The following MUC5B variants were observed in gnomAD, a reference collection of about 807,000 sequenced individuals.
MUC5B encodes mucin 5B, oligomeric mucus/gel-forming.
A neutral mutation model predicts 376.9 loss-of-function variants in MUC5B; 116 were observed. That is an observed-to-expected ratio of 0.31 (90% CI 0.26 to 0.36). MUC5B has a LOEUF of 0.36. Ranked by LOEUF, MUC5B falls within the 10% of genes least tolerant of loss-of-function variation. The pLI, the probability that MUC5B is intolerant of heterozygous loss-of-function variation, is 1.00. For missense variants in MUC5B, 7,165 were observed against 7,769.9 expected, an observed-to-expected ratio of 0.92 and a Z score of 2.93; for synonymous variants, 3,517 against 3,390.9, an observed-to-expected ratio of 1.04 and a Z score of -1.29.
In MUC5B at chr11:1,234,829, A is replaced by G; in HGVS notation, c.2630+149A>G. ...GAGGTGGGGCCGTGGCAGGAGAGAG[A>G]GTTGCTAGGAAAGCCATGGGCCGTC... On this transcript the variant is annotated intron_variant, in intron 21 of 48. Coordinates refer to ENST00000529681, the MANE Select transcript of MUC5B (RefSeq NM_002458.3). The surrounding 1 kb of genome is among the most constrained non-coding windows in gnomAD (Gnocchi z 6.3). 1.8e-6 allele frequency: 2 copies of G among 1,140,036 alleles called. No individual in the cohort carries two copies. The highest frequency in any genetic ancestry group is 2.4e-6 in the Non-Finnish European group (2 of 829,212). The allele number at this position is 1,140,036 out of a possible 1,614,324, so 70.6% of individuals were successfully genotyped here. A position where few individuals can be genotyped will look rare whatever the true frequency, so the allele number is the denominator to read the frequency against.
intron 23 of MUC5B, among the ~76,000 whole-genome samples, chr11:1,235,978 A>AG (rs1218013740): frequency 1.3e-5 from 2 of 152,212 alleles, no homozygotes; most frequent in Non-Finnish European, 2.9e-5. Flanking sequence ...ACTCCAGCAA[A>AG]GGGGGGCCAG....
In MUC5B at chr11:1,249,650, C is replaced by T. The variant is rs768449053; in HGVS notation, c.12770C>T (p.Ala4257Val). The change falls in exon 31 of 49, where the codon GCC (alanine) becomes GTC (valine). Residue 4257 changes from alanine (A) to valine (V), a missense_variant. By Grantham distance (64) the Ala-to-Val change is moderately conservative. Coordinates refer to ENST00000529681, the MANE Select transcript of MUC5B (RefSeq NM_002458.3). ...TWILTELTTT[A>V]TTTASTGSTA... ...ATCCTCACAGAGCTGACCACAACAG[C>T]CACTACGACTGCATCCACTGGATCC... 1 of 1,611,744 alleles carries T rather than the reference C, an allele frequency of 6.2e-7. No individual in the cohort carries two copies. Among genetic ancestry groups the T allele is most frequent in the South Asian group, 1.1e-5 (1 of 91,044 alleles).
rs777654571 is a variant in MUC5B at position 1,248,111 on chromosome 11, C to T, written c.11231C>T (p.Thr3744Ile). The T allele has an allele frequency of 1.5e-5, 24 of 1,600,178 alleles. No homozygotes were observed. The East Asian group carries it at 4.7e-4, about 31-fold the overall frequency. The change falls in exon 31 of 49, where the codon ACC (threonine) becomes ATC (isoleucine). Residue 3744 changes from threonine to isoleucine, a missense_variant. Around this residue, in one of 31 missense-constraint regions of MUC5B, gnomAD observed 72 missense variants for 127.8 expected, o/e 0.56. Transcript: ENST00000529681. The stretch of plus-strand genomic sequence containing the variant: ...GGATCCACGGCCACCGCCTCCTCCA[C>T]CCAGGCAACTGCTGGCACCCCACAT... The part of the protein sequence containing the change: ...PTGSTATASS[T>I]QATAGTPHVS...
Position 1,257,517 on chromosome 11 carries a change from T to G in MUC5B, c.16270-13T>G. The G allele has an allele frequency of 6.2e-7, 1 of 1,607,482 alleles. No individual in the cohort carries two copies. Among genetic ancestry groups the G allele is most frequent in the East Asian group, 2.2e-5 (1 of 44,810 alleles). ...GTCCAGGAGCCCTCAGGGACCCCCTTGATCCATTCCAGCCCGGGGAGCGGT... is the reference window on the plus strand; with the variant it reads ...GTCCAGGAGCCCTCAGGGACCCCCTGGATCCATTCCAGCCCGGGGAGCGGT... On this transcript the variant is annotated splice_polypyrimidine_tract_variant and intron_variant, in intron 40 of 48. Coordinates refer to ENST00000529681, the MANE Select transcript of MUC5B (RefSeq NM_002458.3). This position sits in a 1 kb window ranked among gnomAD's most constrained non-coding sequence, Gnocchi z 8.9.
At position 1,251,479 on chromosome 11, in the gene MUC5B, G is replaced by T; in HGVS notation, c.14599G>T (p.Ala4867Ser). Residue 4867 changes from alanine (A) to serine (S), a missense_variant, in exon 31 of 49, where the codon GCC becomes TCC. Around this residue, in one of 31 missense-constraint regions of MUC5B, gnomAD observed 730 missense variants for 592.7 expected, o/e 1.23. Transcript: ENST00000529681. ...GGTGCCCACCGGTTCCACGGCCACCGCCTCCTCCACTCTGGGAACAGCTCA... is the reference window on the plus strand; with the variant it reads ...GGTGCCCACCGGTTCCACGGCCACCTCCTCCTCCACTCTGGGAACAGCTCA... ...VMVPTGSTAT[A>S]SSTLGTAHTP... 4 of 1,611,844 alleles carry T rather than the reference G, an allele frequency of 2.5e-6. No individual in the cohort carries two copies. Among genetic ancestry groups the T allele is most frequent in the Non-Finnish European group, 8.5e-7 (1 of 1,179,176 alleles).
chr11:1,226,705 G>A lies in MUC5B; in HGVS notation c.290G>A (p.Gly97Asp), dbSNP rs1017040902. ...GACGGCGACGTCTTCCGCTTCCCTG[G>A]CCTTTGCAACTACGTGTTCTCTGAG... is the stretch of plus-strand genomic sequence containing the variant. Reference protein sequence around the residue: ...TFDGDVFRFPGLCNYVFSEHC... With the variant: ...TFDGDVFRFPDLCNYVFSEHC... Residue 97 changes from glycine (G) to aspartate (D), a missense_variant, in exon 4 of 49, where the codon GGC becomes GAC. Transcript: ENST00000529681. The A allele has an allele frequency of 6.2e-7, 1 of 1,612,682 alleles. No individual in the cohort carries two copies. The highest frequency in any genetic ancestry group is 1.3e-5 in the African/African-American group (1 of 74,926).
Position 1,239,500 on chromosome 11 carries a change from G to T in MUC5B, c.3517G>T (p.Ala1173Ser), listed in dbSNP as rs763533358. The T allele has an allele frequency of 1.2e-6, 2 of 1,605,966 alleles. No individual in the cohort carries two copies. The highest frequency in any genetic ancestry group is 1.7e-6 in the Non-Finnish European group (2 of 1,174,732). ...TGAGTGGCACTACCAGCCCTGCGGG[G>T]CACCCTGCCTAAAAACCTGCCGGAA... ...GCEWHYQPCG[A>S]PCLKTCRNPS... Residue 1173 changes from alanine to serine, a missense_variant, in exon 27 of 49, where the codon GCA becomes TCA. Around this residue, in one of 31 missense-constraint regions of MUC5B, gnomAD observed 517 missense variants for 545.3 expected, o/e 0.95. Transcript: ENST00000529681.
Position 1,262,109 on chromosome 11 carries a change from G to A in MUC5B, c.*501G>A. The A allele has an allele frequency of 3.8e-6, 2 of 520,506 alleles. No individual in the cohort carries two copies. The highest frequency in any genetic ancestry group is 4.0e-5 in the Admixed American group (2 of 50,570). 32.2% of individuals were successfully genotyped at this position (520,506 alleles called of 1,614,324 possible). A position where few individuals can be genotyped will look rare whatever the true frequency, so the allele number is the denominator to read the frequency against. On this transcript the variant is annotated 3_prime_UTR_variant, in exon 49 of 49. Coordinates refer to ENST00000529681, the MANE Select transcript of MUC5B (RefSeq NM_002458.3). ...CAACGGCCAGGTCAGAGAGGGGTCA[G>A]CATCCCAAAGCCCCCTCTGCTCAAC...
At chr11:1,252,198 TG>T in intron 31 of MUC5B, 144 bp from the exon 32 acceptor site, 1 of 765,254 alleles carries the variant, frequency 1.3e-6, no homozygotes, top group Non-Finnish European at 2.1e-6. Flanking sequence ...TGGTCCCCAC[TG>T]GCCACACTCA....
At chr11:1,231,197 C>T (rs1467219703) in intron 13 of MUC5B, among the ~76,000 whole-genome samples, 192 bp downstream of exon 13, 6 of 152,196 alleles carry the variant, frequency 3.9e-5, no homozygotes, top group African/African-American at 1.4e-4. Context: ...GGCAGGGACC[C>T]CACATCCAGC....
Position 1,244,943 on chromosome 11 carries a change from C to G in MUC5B, c.8063C>G (p.Pro2688Arg), listed in dbSNP as rs200890356. 6.4e-7 allele frequency: 1 copy of G among 1,572,336 alleles called. No individual in the cohort carries two copies. The highest frequency in any genetic ancestry group is 8.6e-7 in the Non-Finnish European group (1 of 1,158,588). Residue 2688 changes from proline (P) to arginine (R), a missense_variant, in exon 31 of 49, where the codon CCA (proline) becomes CGA (arginine). This residue lies in a region of MUC5B where 70 missense variants were observed against 169.1 expected (regional missense o/e 0.41). Transcript: ENST00000529681. ...AGCACACAGACCAGTGGTACTCCCC[C>G]ATCACTGACCACCACGGCCACTACG... ...SSSTQTSGTP[P>R]SLTTTATTIT...
chr11:1,243,408 G>A lies in MUC5B; in HGVS notation c.6528G>A (p.Val2176=), dbSNP rs1590178982. ...CACCTGCAGCCACCAGCAACACAGTGACTCCCTCCTCTGCCCTAGGGACCA... is the reference window on the plus strand; with the variant it reads ...CACCTGCAGCCACCAGCAACACAGTAACTCCCTCCTCTGCCCTAGGGACCA... ...ATTPAATSNT[V]TPSSALGTTH... Residue 2176 remains valine (V), a synonymous_variant, in exon 31 of 49, where the codon GTG becomes GTA. Transcript: ENST00000529681. The A allele has an allele frequency of 6.6e-7, 1 of 1,512,404 alleles. No homozygotes were observed. Among genetic ancestry groups the A allele is most frequent in the Non-Finnish European group, 9.0e-7 (1 of 1,114,626 alleles). 93.7% of individuals were successfully genotyped at this position (1,512,404 alleles called of 1,614,324 possible).
In MUC5B at chr11:1,231,546, A is replaced by G; in HGVS notation, c.1664A>G (p.Gln555Arg). 1.3e-6 allele frequency: 2 copies of G among 1,580,886 alleles called. No homozygotes were observed. The highest frequency in any genetic ancestry group is 1.7e-6 in the Non-Finnish European group (2 of 1,165,586). Residue 555 changes from glutamine to arginine, a missense_variant, in exon 14 of 49, where the codon CAG becomes CGG. Gln to Arg is a conservative substitution (Grantham distance 43). Around this residue, in one of 31 missense-constraint regions of MUC5B, gnomAD observed 640 missense variants for 733.0 expected, o/e 0.87. Coordinates refer to ENST00000529681, the MANE Select transcript of MUC5B (RefSeq NM_002458.3). ...QVFVRLDPAH[Q>R]GQMCGLCGNF... Reference sequence around the variant, plus strand: ...TTTGTCAGGCTGGACCCCGCCCACCAGGGCCAGATGTGCGGTGAGGCTGGG... The same window carrying G: ...TTTGTCAGGCTGGACCCCGCCCACCGGGGCCAGATGTGCGGTGAGGCTGGG...
intron 47 of MUC5B, 89 bp downstream of exon 47, chr11:1,260,482 C>A: frequency 6.6e-7 from 1 of 1,513,390 alleles, no homozygotes; most frequent in Non-Finnish European, 9.1e-7. Flanking sequence ...CACTAGGCAG[C>A]AGTGGGATGC....
At chr11:1,233,486 G>C (rs1418855297) in intron 18 of MUC5B, among the ~76,000 whole-genome samples, 6 of 152,182 alleles carry the variant, frequency 3.9e-5, no homozygotes, top group Non-Finnish European at 7.4e-5. Flanking sequence ...CCTGCTGGCT[G>C]TTCTCAGCTG....
rs1178210273 is a variant in MUC5B at position 1,246,484 on chromosome 11, A to G, written c.9604A>G (p.Thr3202Ala). Residue 3202 changes from threonine to alanine, a missense_variant, in exon 31 of 49, where the codon ACA (threonine) becomes GCA (alanine). By Grantham distance (58) the Thr-to-Ala change is moderately conservative. Coordinates refer to ENST00000529681, the MANE Select transcript of MUC5B (RefSeq NM_002458.3). ...CAAAGTGCTGACCAGCACGGCCACC[A>G]CACCCACAGTCATCAGCTCCAGAGC... ...TLKVLTSTAT[T>A]PTVISSRATP... The G allele has an allele frequency of 6.2e-7, 1 of 1,613,164 alleles. No homozygotes were observed. The highest frequency in any genetic ancestry group is 8.5e-7 in the Non-Finnish European group (1 of 1,179,646).
rs201159218 is a variant in MUC5B at position 1,244,641 on chromosome 11, C to G, written c.7761C>G (p.Thr2587=). The change falls in exon 31 of 49, where the codon ACC becomes ACG. Residue 2587 remains threonine (T), a synonymous_variant. Transcript: ENST00000529681. ...TGCTTACCACCACGGCCACCACAACCGGGGCCACCGGCTCTGTGGCCACCC... is the reference window on the plus strand; with the variant it reads ...TGCTTACCACCACGGCCACCACAACGGGGGCCACCGGCTCTGTGGCCACCC... ...STVLTTTATT[T]GATGSVATPS... The G allele has an allele frequency of 4.4e-6, 7 of 1,608,464 alleles. No homozygotes were observed. The highest frequency in any genetic ancestry group is 5.1e-6 in the Non-Finnish European group (6 of 1,175,480).
rs763985657 is a variant in MUC5B, at chr11:1,249,007, G to A, written c.12127G>A (p.Glu4043Lys). Residue 4043 changes from glutamate to lysine, a missense_variant, in exon 31 of 49, where the codon GAG (glutamate) becomes AAG (lysine). Glu to Lys is a moderately conservative substitution (Grantham distance 56). Transcript: ENST00000529681. ...CACCTTGGGCACCACCCACATCACA[G>A]AGCCTTCCACGGGGACTTCCCACAC... ...SGTLGTTHITEPSTGTSHTPA... is the reference protein window; with the variant it reads ...SGTLGTTHITKPSTGTSHTPA... The A allele has an allele frequency of 3.7e-5, 60 of 1,608,768 alleles. No individual in the cohort carries two copies. The highest frequency in any genetic ancestry group is 4.7e-5 in the Non-Finnish European group (55 of 1,178,746).
rs1393469123 is a variant in MUC5B at position 1,257,292 on chromosome 11, C to T, written c.16269+21C>T. 1 of 782,878 alleles carries T rather than the reference C, an allele frequency of 1.3e-6. No individual in the cohort carries two copies. The highest frequency in any genetic ancestry group is 1.3e-5 in the South Asian group (1 of 74,664). 48.5% of individuals were successfully genotyped at this position (782,878 alleles called of 1,614,324 possible). On this transcript the variant is annotated intron_variant, in intron 40 of 48. Transcript: ENST00000529681. The surrounding 1 kb of genome is among the most constrained non-coding windows in gnomAD (Gnocchi z 8.9). ...AATTTGTGAGTGGCTCCACCCCCAC[C>T]TGCCCTACCCCACCCTCTCGCGAGC...
Sources: gnomAD v4.1 joint callset for allele counts (sites outside exome capture counted in the v4.1 genomes callset) on GRCh38, gnomAD v4.1.1 for gene constraint, gnomAD v4.1.1 regional missense constraint, Gnocchi (gnomAD v3.1) non-coding constraint, MANE v1.5 for transcripts, NCBI Gene and HGNC (gene_info 2026-07-23, HGNC 2026-07-21) for gene names.